Variants in TCF20 observed in about 807,000 individuals in gnomAD.
TCF20 encodes SPRE-binding protein.
Under a neutral mutation model 148.6 loss-of-function variants are expected in TCF20, and 3 were observed. The observed-to-expected ratio is 0.02, with a 90% CI of 0.01 to 0.05. The LOEUF is 0.05. Ranked by LOEUF, TCF20 falls within the 10% of genes least tolerant of loss-of-function variation. TCF20 has a pLI of 1.00. For synonymous variants in TCF20, 1,049 were observed against 909.5 expected, an observed-to-expected ratio of 1.15 and a Z score of -2.76; for missense variants, 2,350 against 2,429.3, an observed-to-expected ratio of 0.97 and a Z score of 0.69.
chr22:42,305,600 C>T (rs1201914335), intron 1 of TCF20, among the ~76,000 whole-genome samples: 2 of 152,184 alleles, frequency 1.3e-5, no homozygotes, highest in Non-Finnish European at 2.9e-5. Context: ...AGGTGCTGTT[C>T]CTGGAAATGC....
rs780992433 is a variant in TCF20 at position 42,161,300 on chromosome 22, G to A, written c.*103C>T. On this transcript the variant is annotated 3_prime_UTR_variant, in exon 6 of 6. Transcript: ENST00000677622. The stretch of plus-strand genomic sequence containing the variant: ...GGGCAGGGCAGGGTGTGGCTGCACG[G>A]TAGGACGATTTCCATTCCATCACGA... The A allele has an allele frequency of 6.2e-7, 1 of 1,613,356 alleles. No individual in the cohort carries two copies. The highest frequency in any genetic ancestry group is 1.3e-5 in the African/African-American group (1 of 75,036).
intron 2 of TCF20, among the ~76,000 whole-genome samples, chr22:42,209,109 A>C (rs947112160): frequency 4.5e-4 from 69 of 152,306 alleles, no homozygotes; most frequent in African/African-American, 1.4e-3. Flanking sequence ...AGAATTCCAC[A>C]CCTAGCCAAC....
At chr22:42,324,736 T>C (rs1419887502) in intron 1 of TCF20, among the ~76,000 whole-genome samples, 1 of 152,214 alleles carries the variant, frequency 6.6e-6, no homozygotes, top group African/African-American at 2.4e-5. Flanking sequence ...CTCCACCATC[T>C]GAGAAAATAA....
At position 42,211,538 on chromosome 22, in the gene TCF20, A is replaced by G. The variant is rs1329728899; in HGVS notation, c.3768T>C (p.Arg1256=). 4 of 1,614,168 alleles carry G rather than the reference A, an allele frequency of 2.5e-6. No homozygotes were observed. Among genetic ancestry groups the G allele is most frequent in the Non-Finnish European group, 3.4e-6 (4 of 1,180,016 alleles). ...SSQNPLIMRR[R]VRSFISPIPS... is the part of the protein sequence containing the mutation. Reference sequence around the variant, plus strand: ...GAATGGGAGAGATAAAAGAACGAACACGCCTCCTCATGATTAAGGGGTTTT... The same window carrying G: ...GAATGGGAGAGATAAAAGAACGAACGCGCCTCCTCATGATTAAGGGGTTTT... The change falls in exon 2 of 6, where the codon CGT becomes CGC. Residue 1256 remains arginine (R), a synonymous_variant. Coordinates refer to ENST00000677622, the MANE Select transcript of TCF20 (RefSeq NM_001378418.1).
At chr22:42,241,108 A>G (rs1409433726) in intron 1 of TCF20, among the ~76,000 whole-genome samples, 2 of 152,194 alleles carry the variant, frequency 1.3e-5, no homozygotes, top group Non-Finnish European at 2.9e-5. Context: ...TGCCTGCCTC[A>G]GTCTCCCAAA....
intron 2 of TCF20, among the ~76,000 whole-genome samples, chr22:42,189,747 G>A (rs1399592067): frequency 3.3e-5 from 5 of 152,180 alleles, no homozygotes; most frequent in African/African-American, 1.2e-4. Context: ...TAAAGTAGAG[G>A]ACAACAACGA....
chr22:42,240,568 AAATT>A (rs2147308179), intron 1 of TCF20, among the ~76,000 whole-genome samples: 1 of 152,362 alleles, frequency 6.6e-6, no homozygotes, highest in East Asian at 1.9e-4. Flanking sequence ...AGATATTACC[AAATT>A]AATATCCTGA....
intron 2 of TCF20, among the ~76,000 whole-genome samples, chr22:42,189,914 A>G (rs1251649961): frequency 6.6e-6 from 1 of 152,210 alleles, no homozygotes; most frequent in Non-Finnish European, 1.5e-5. Context: ...AAAAGAGAGA[A>G]AGCTGGGGCG....
intron 1 of TCF20, among the ~76,000 whole-genome samples, chr22:42,296,569 C>T (rs1044238714): frequency 3.9e-5 from 6 of 152,130 alleles, no homozygotes; most frequent in African/African-American, 1.5e-4. Flanking sequence ...GCATTGGGCC[C>T]GGGATGCCAG....
intron 1 of TCF20, among the ~76,000 whole-genome samples, chr22:42,312,205 A>T (rs1569206930): frequency 1.3e-5 from 2 of 152,204 alleles, no homozygotes; most frequent in Non-Finnish European, 2.9e-5. Flanking sequence ...GTGAATGAGT[A>T]AGCAGCTGTG....
rs149917963 is a variant in TCF20 at position 42,212,038 on chromosome 22, A to G, written c.3268T>C (p.Tyr1090His). The part of the protein sequence containing the change: ...NSQLHYKRQM[Y>H]QQQPEEYKDW... ...TTATACTCCTCTGGTTGCTGTTGGT[A>G]CATCTGTCTCTTATAATGCAGCTGA... Residue 1090 changes from tyrosine (Y) to histidine (H), a missense_variant, in exon 2 of 6, where the codon TAC becomes CAC. Tyr to His is a moderately conservative substitution (Grantham distance 83, BLOSUM62 2). Around this residue, in one of 7 missense-constraint regions of TCF20, gnomAD observed 1,641 missense variants for 1,662.6 expected, o/e 0.99. Transcript: ENST00000677622. The G allele has an allele frequency of 6.0e-5, 97 of 1,613,990 alleles. No homozygotes were observed. Among genetic ancestry groups the G allele is most frequent in the Non-Finnish European group, 7.8e-5 (92 of 1,180,024 alleles).
At chr22:42,196,607 T>C (rs573008140) in intron 2 of TCF20, among the ~76,000 whole-genome samples, 1 of 152,342 alleles carries the variant, frequency 6.6e-6, no homozygotes, top group African/African-American at 2.4e-5. Flanking sequence ...TCACCTGACA[T>C]GTGTCTGAAC....
chr22:42,291,829 C>A (rs1927138087), intron 1 of TCF20, among the ~76,000 whole-genome samples: 1 of 151,866 alleles, frequency 6.6e-6, no homozygotes, highest in Non-Finnish European at 1.5e-5. Flanking sequence ...CAGATACACA[C>A]AAAGGCAGCC....
intron 1 of TCF20, among the ~76,000 whole-genome samples, chr22:42,291,852 G>A (rs908487376): frequency 6.6e-6 from 1 of 151,928 alleles, no homozygotes; most frequent in African/African-American, 2.4e-5. Context: ...GCCTAAAGAA[G>A]CAAGCAGAAG....
At chr22:42,283,384 G>C (rs1213534114) in intron 1 of TCF20, among the ~76,000 whole-genome samples, 1 of 151,766 alleles carries the variant, frequency 6.6e-6, no homozygotes, top group Non-Finnish European at 1.5e-5. Flanking sequence ...GATCTGGACC[G>C]GAGGGGACGG....
chr22:42,216,380 G>A (rs763112775), intron 1 of TCF20, among the ~76,000 whole-genome samples: 23 of 152,110 alleles, frequency 1.5e-4, no homozygotes, highest in Non-Finnish European at 2.6e-4. Flanking sequence ...ATGTCCAAGT[G>A]CAAATTTTTG....
chr22:42,277,413 G>A (rs961020518), intron 1 of TCF20, among the ~76,000 whole-genome samples: 1 of 152,220 alleles, frequency 6.6e-6, no homozygotes, highest in Admixed American at 6.5e-5. Context: ...AGTGTGGCAG[G>A]AGCACAGCAG....
At position 42,213,470 on chromosome 22, in the gene TCF20, G is replaced by A. The variant is rs1481800008; in HGVS notation, c.1836C>T (p.Ala612=). The change falls in exon 2 of 6, where the codon GCC becomes GCT. Residue 612 remains alanine (A), a synonymous_variant. Transcript: ENST00000677622. ...CAGGCTTTTCTACCCGACCTGTCAT[G>A]GCTTCCCGGGAGACAATCACCCCAA... is the stretch of plus-strand genomic sequence containing the variant. The part of the protein sequence containing the change: ...KTVGVIVSRE[A]MTGRVEKPGG... The A allele has an allele frequency of 4.3e-6, 7 of 1,614,030 alleles. No individual in the cohort carries two copies. The Admixed American group carries it at 8.3e-5, about 19-fold the overall frequency.
chr22:42,338,804 C>T lies in TCF20; in HGVS notation c.-37+4675G>A, dbSNP rs1928113364. Reference sequence around the variant, plus strand: ...TCAAAGTCCAGATGACAGTTTATTTCAACACATCTCGTATTAAATTGGGCT... The same window carrying T: ...TCAAAGTCCAGATGACAGTTTATTTTAACACATCTCGTATTAAATTGGGCT... On this transcript the variant is annotated intron_variant, in intron 1 of 1. Transcript: ENST00000515426. The surrounding 1 kb of genome is among the most constrained non-coding windows in gnomAD (Gnocchi z 4.0). Among the ~76,000 whole-genome samples the T allele has an allele frequency of 1.3e-5, 2 of 152,174 alleles. No homozygotes were observed. Among genetic ancestry groups the T allele is most frequent in the South Asian group, 4.1e-4 (2 of 4,828 alleles).
Sources: allele counts gnomAD v4.1 joint callset (sites outside exome capture counted in the v4.1 genomes callset), GRCh38; gene constraint gnomAD v4.1.1; regional missense constraint gnomAD v4.1.1; non-coding constraint Gnocchi (gnomAD v3.1); transcripts MANE v1.5; gene names NCBI Gene and HGNC (gene_info 2026-07-23, HGNC 2026-07-21).